ATRNL1: variants seen among roughly 807,000 people sequenced by gnomAD.
The protein encoded by ATRNL1 is attractin-like protein 1.
Under a neutral mutation model 182.7 loss-of-function variants are expected in ATRNL1, and 95 were observed. That is an observed-to-expected ratio of 0.52 (90% CI 0.44 to 0.62). The LOEUF is 0.62. Among genes scored for constraint, ATRNL1 ranks in the 20% least tolerant of loss-of-function variants. The pLI is 0.00. For missense variants in ATRNL1, 1,471 were observed against 1,679.5 expected (o/e 0.88, Z 2.17); for synonymous variants, 576 against 568.3 (o/e 1.01, Z -0.19).
chr10:115,252,176 G>A (rs1254854592), intron 10 of ATRNL1, among the ~76,000 whole-genome samples: 4 of 152,108 alleles, frequency 2.6e-5, no homozygotes, highest in Admixed American at 6.5e-5. Flanking sequence ...ACAGGCGCCC[G>A]CCACCACGCC....
At chr10:115,830,268 TA>T (rs1331519414) in intron 27 of ATRNL1, among the ~76,000 whole-genome samples, 3 of 152,222 alleles carry the variant, frequency 2.0e-5, no homozygotes, top group Non-Finnish European at 4.4e-5. Context: ...ACAACCAGAA[TA>T]AATTCTTGTT....
At chr10:115,710,576 A>T (rs1565308035) in intron 26 of ATRNL1, among the ~76,000 whole-genome samples, 1 of 152,170 alleles carries the variant, frequency 6.6e-6, no homozygotes, top group Non-Finnish European at 1.5e-5. Context: ...AATAGCTTTA[A>T]CTTTGAGAAG....
chr10:115,468,497 A>G (rs1047749971), intron 23 of ATRNL1, among the ~76,000 whole-genome samples: 3 of 150,826 alleles, frequency 2.0e-5, no homozygotes, highest in Admixed American at 2.0e-4. Flanking sequence ...TATTTTTACT[A>G]TTGATTAAGG....
At chr10:115,497,935 C>T (rs932786122) in intron 24 of ATRNL1, among the ~76,000 whole-genome samples, 3 of 152,064 alleles carry the variant, frequency 2.0e-5, no homozygotes, top group Non-Finnish European at 4.4e-5. Flanking sequence ...AGATTACAGG[C>T]GTGAGGCATT....
At chr10:115,378,476 C>T (rs1554950149) in intron 19 of ATRNL1, among the ~76,000 whole-genome samples, 1 of 152,150 alleles carries the variant, frequency 6.6e-6, no homozygotes, top group Non-Finnish European at 1.5e-5. Context: ...AACTGTTTTA[C>T]AACTGTAAAT....
At chr10:115,233,402 G>T (rs889432205) in intron 9 of ATRNL1, among the ~76,000 whole-genome samples, 3 of 152,052 alleles carry the variant, frequency 2.0e-5, no homozygotes, top group Non-Finnish European at 2.9e-5. Context: ...ACAGTTTGCT[G>T]TATTTTTGTA....
chr10:115,938,178 A>C (rs1423416836), intron 28 of ATRNL1, among the ~76,000 whole-genome samples: 1 of 152,196 alleles, frequency 6.6e-6, no homozygotes, highest in Non-Finnish European at 1.5e-5. Context: ...TGTACTTATT[A>C]ATTGTTCTGC....
intron 26 of ATRNL1, among the ~76,000 whole-genome samples, chr10:115,699,661 A>G (rs1487289521): frequency 4.6e-5 from 7 of 152,066 alleles, no homozygotes; most frequent in African/African-American, 1.2e-4. Context: ...TTGTTTGTTT[A>G]TTTATTTATT....
At chr10:115,146,685 T>G (rs192210538) in intron 5 of ATRNL1, among the ~76,000 whole-genome samples, 1 of 152,292 alleles carries the variant, frequency 6.6e-6, no homozygotes, top group Admixed American at 6.5e-5. Flanking sequence ...ATCAACTCTT[T>G]TAACTCCCAC....
Position 115,160,092 on chromosome 10 carries a change from A to G in ATRNL1, c.882A>G (p.Pro294=). 6.2e-7 allele frequency: 1 copy of G among 1,612,396 alleles called. No individual in the cohort carries two copies. The highest frequency in any genetic ancestry group is 8.5e-7 in the Non-Finnish European group (1 of 1,179,080). The part of the protein sequence containing the change: ...VPSTESYWIL[P]NVKPFSPSVG... Reference sequence around the variant, plus strand: ...CTACTGAGTCTTACTGGATTCTGCCAAACGTTAAACCCTTCAGTCCTTCTG... The same window carrying G: ...CTACTGAGTCTTACTGGATTCTGCCGAACGTTAAACCCTTCAGTCCTTCTG... Residue 294 remains proline, a synonymous_variant, in exon 6 of 29, where the codon CCA becomes CCG. Coordinates refer to ENST00000355044, the MANE Select transcript of ATRNL1 (RefSeq NM_207303.4).
intron 5 of ATRNL1, among the ~76,000 whole-genome samples, chr10:115,144,838 T>C (rs1554878955): frequency 6.6e-6 from 1 of 152,190 alleles, no homozygotes; most frequent in East Asian, 1.9e-4. Context: ...GTTTCCTTTT[T>C]AGTAAGTAGA....
chr10:115,756,545 G>T (rs529321524), intron 27 of ATRNL1, among the ~76,000 whole-genome samples: 1 of 151,592 alleles, frequency 6.6e-6, no homozygotes. Flanking sequence ...GTCATGATCC[G>T]TTCTTTTGCA....
At chr10:115,208,238 A>C (rs1848878638) in intron 8 of ATRNL1, among the ~76,000 whole-genome samples, 1 of 152,052 alleles carries the variant, frequency 6.6e-6, no homozygotes, top group South Asian at 2.1e-4. Context: ...ATTATTAAAC[A>C]TATTTGAGTA....
chr10:115,376,795 A>G (rs560384568), intron 19 of ATRNL1, among the ~76,000 whole-genome samples: 5 of 152,222 alleles, frequency 3.3e-5, no homozygotes, highest in South Asian at 2.1e-4. Context: ...CAGTATTTCT[A>G]TAAGTAAACT....
chr10:115,714,833 A>G (rs4481944), intron 26 of ATRNL1, among the ~76,000 whole-genome samples: 56,848 of 152,052 alleles, frequency 0.37, 11,498 homozygotes, highest in East Asian at 0.59. Context: ...TAGAATAAAG[A>G]GAATTTGTAG....
In ATRNL1 at chr10:115,493,080, C is replaced by CT. The variant is rs554544496; in HGVS notation, c.3654+23760dup. Among the ~76,000 whole-genome samples, 383 of 150,930 alleles carry CT rather than the reference C, an allele frequency of 2.5e-3. 3 individuals are homozygous for CT. The highest frequency in any genetic ancestry group is 3.6e-3 in the Non-Finnish European group (242 of 67,632). The stretch of plus-strand genomic sequence containing the variant: ...AATTTACAATAAAATAAAAAATAAT[C>CT]TTTTTTTTTGCTTTGTGAAATTGTT... On this transcript the variant is annotated intron_variant, in intron 24 of 28. Coordinates refer to ENST00000355044, the MANE Select transcript of ATRNL1 (RefSeq NM_207303.4).
chr10:115,311,189 A>ATTTTTTTTT (rs58808060), intron 17 of ATRNL1, among the ~76,000 whole-genome samples: 1 of 133,816 alleles, frequency 7.5e-6, no homozygotes. Context: ...TATGATTTAG[A>ATTTTTTTTT]TTTTTTTTTT....
At chr10:115,798,462 C>T in intron 27 of ATRNL1, among the ~76,000 whole-genome samples, 2 of 152,284 alleles carry the variant, frequency 1.3e-5, no homozygotes, top group Middle Eastern at 6.8e-3. Flanking sequence ...TGTGTTCTTA[C>T]TCAGAAGACC....
chr10:115,432,394 A>T (rs549430820), intron 21 of ATRNL1, among the ~76,000 whole-genome samples: 21 of 152,264 alleles, frequency 1.4e-4, no homozygotes, highest in African/African-American at 4.6e-4. Context: ...ATGGTAAAGC[A>T]CTAGGTGGCA....
Sources: gnomAD v4.1 joint callset for allele counts (sites outside exome capture counted in the v4.1 genomes callset) on GRCh38, gnomAD v4.1.1 for gene constraint, MANE v1.5 for transcripts, NCBI Gene and HGNC (gene_info 2026-07-23, HGNC 2026-07-21) for gene names.